Variants in DNAJC17 observed in about 807,000 individuals in gnomAD.
The protein encoded by DNAJC17 is dnaJ homolog subfamily C member 17.
Under a neutral mutation model 48.1 loss-of-function variants are expected in DNAJC17, and 35 were observed. That is an observed-to-expected ratio of 0.73 (90% confidence interval 0.56 to 0.96). The LOEUF (loss-of-function observed/expected upper bound fraction) is 0.96, where lower values mean the gene tolerates loss of function less well. Ranked by LOEUF, DNAJC17 falls within the 50% of genes least tolerant of loss-of-function variation. The pLI is 0.00. For missense variants in DNAJC17, 355 were observed against 377.1 expected, an observed-to-expected ratio of 0.94 and a Z score of 0.48; for synonymous variants, 117 against 142.7, an observed-to-expected ratio of 0.82 and a Z score of 1.28.
At chr15:40,792,633 A>G in intron 1 of DNAJC17, 1 of 441,240 alleles carries the variant, frequency 2.3e-6, no homozygotes, top group Non-Finnish European at 3.0e-6. Flanking sequence ...TGGGCAACAT[A>G]GGGAGACCCC....
At chr15:40,806,656 T>C (rs1596107898) in intron 1 of DNAJC17, among the ~76,000 whole-genome samples, 1 of 152,300 alleles carries the variant, frequency 6.6e-6, no homozygotes, top group East Asian at 1.9e-4. Flanking sequence ...CTTCGTATAT[T>C]GTTAAAACTA....
Position 40,773,851 on chromosome 15 carries a change from C to T in DNAJC17, c.682-14G>A. Reference sequence around the variant, plus strand: ...GACAGCCAGCTCCTGCCAAACACAGCATCTAGTCCTGTCCCATCCGTTGAG... The same window carrying T: ...GACAGCCAGCTCCTGCCAAACACAGTATCTAGTCCTGTCCCATCCGTTGAG... On this transcript the variant is annotated splice_polypyrimidine_tract_variant and intron_variant, in intron 9 of 10. Coordinates refer to ENST00000220496, the MANE Select transcript of DNAJC17 (RefSeq NM_018163.3). 6.2e-7 allele frequency: 1 copy of T among 1,609,492 alleles called. No homozygotes were observed. Among genetic ancestry groups the T allele is most frequent in the Non-Finnish European group, 8.5e-7 (1 of 1,176,794 alleles).
At position 40,765,902 on chromosome 15, in the gene DNAJC17, A is replaced by G; in HGVS notation, c.*2038T>C. ...GCAGCATCTGGGGGCTTCAAAGAGA[A>G]GAGCCTTGGGAAACAACTTGTAAGT... On this transcript the variant is annotated 3_prime_UTR_variant, in exon 11 of 11. Transcript: ENST00000220496. 6.3e-7 allele frequency: 1 copy of G among 1,575,318 alleles called. No homozygotes were observed. Among genetic ancestry groups the G allele is most frequent in the Admixed American group, 1.7e-5 (1 of 57,746 alleles).
At chr15:40,788,663 T>C (rs1484591573) in intron 1 of DNAJC17, among the ~76,000 whole-genome samples, 3 of 143,730 alleles carry the variant, frequency 2.1e-5, no homozygotes, top group Non-Finnish European at 3.0e-5. Context: ...GCCACTGCAC[T>C]CCAGCCTGGG....
In DNAJC17 at chr15:40,774,157, G is replaced by C. The variant is rs113226309; in HGVS notation, c.681+199C>G. 429 of 645,750 alleles carry C rather than the reference G, an allele frequency of 6.6e-4. 1 individual carries two copies. The African/African-American group carries it at 7.0e-3, about 11-fold the overall frequency. The allele number at this position is 645,750 out of a possible 1,614,324, so 40.0% of individuals were successfully genotyped here. On this transcript the variant is annotated intron_variant, in intron 9 of 10. Transcript: ENST00000220496. ...AAGTCTGTGCTCTCCTTTCTCCCCA[G>C]AGCACCCCCCATCCATCCCTTCACA...
chr15:40,795,235 G>A (rs1889916419), intron 1 of DNAJC17, among the ~76,000 whole-genome samples: 1 of 144,096 alleles, frequency 6.9e-6, no homozygotes, highest in Non-Finnish European at 1.5e-5. Context: ...GGCGGGAGAG[G>A]GAGATGGTGT....
At chr15:40,768,738 C>T (rs938553871) in intron 10 of DNAJC17, among the ~76,000 whole-genome samples, 5 of 152,232 alleles carry the variant, frequency 3.3e-5, no homozygotes, top group African/African-American at 7.2e-5. Context: ...AGCTCTACAG[C>T]GGGACCTAAG....
chr15:40,803,191 TCACC>T (rs1233182711), intron 1 of DNAJC17, among the ~76,000 whole-genome samples: 1 of 151,996 alleles, frequency 6.6e-6, no homozygotes, highest in African/African-American at 2.4e-5. Context: ...AGAGGTTCCT[TCACC>T]CAGTTCCTGG....
At chr15:40,783,337 G>A (rs1034929815) in intron 1 of DNAJC17, among the ~76,000 whole-genome samples, 4 of 152,156 alleles carry the variant, frequency 2.6e-5, no homozygotes, top group African/African-American at 9.7e-5. Flanking sequence ...ACAGGAGTCT[G>A]TTGGGTGTTT....
In DNAJC17 at chr15:40,779,972, G is replaced by A. The variant is rs1433373181; in HGVS notation, c.104C>T (p.Ala35Val). 7 of 1,613,986 alleles carry A rather than the reference G, an allele frequency of 4.3e-6. No homozygotes were observed. In the African/African-American group the frequency reaches 5.3e-5, roughly 12 times the overall value. Residue 35 changes from alanine to valine, a missense_variant, in exon 2 of 11, where the codon GCC (alanine) becomes GTC (valine). Ala to Val is a moderately conservative substitution (Grantham distance 64). Coordinates refer to ENST00000220496, the MANE Select transcript of DNAJC17 (RefSeq NM_018163.3). The stretch of plus-strand genomic sequence containing the variant: ...ATTTTTGTCTGGGTGGCAGGAGAGG[G>A]CCTTCTGCCTATACGCCTTCTTTAC... ...KEVKKAYRQKALSCHPDKNPD... is the reference protein window; with the variant it reads ...KEVKKAYRQKVLSCHPDKNPD...
intron 5 of DNAJC17, 106 bp from the exon 6 acceptor site, chr15:40,776,398 C>A (rs1430563906): frequency 2.7e-6 from 4 of 1,469,948 alleles, no homozygotes; most frequent in Non-Finnish European, 3.8e-6. Flanking sequence ...TAGGGCTCAG[C>A]AACCTGTGGG....
At chr15:40,774,775 G>A (rs1387276296) in intron 8 of DNAJC17, among the ~76,000 whole-genome samples, 1 of 152,258 alleles carries the variant, frequency 6.6e-6, no homozygotes, top group Non-Finnish European at 1.5e-5. Flanking sequence ...ACTCAACCAA[G>A]CTCTTTGCTT....
intron 1 of DNAJC17, among the ~76,000 whole-genome samples, chr15:40,790,036 C>T (rs1227963162): frequency 2.0e-5 from 3 of 151,670 alleles, no homozygotes; most frequent in African/African-American, 7.3e-5. Flanking sequence ...ATTTTGAATG[C>T]CACTAACTTC....
At chr15:40,781,153 G>GAA (rs11337976) in intron 1 of DNAJC17, among the ~76,000 whole-genome samples, 24 of 88,938 alleles carry the variant, frequency 2.7e-4, no homozygotes, top group South Asian at 3.8e-4. Context: ...CTCCATCTCA[G>GAA]AAAAAAAAAA....
chr15:40,803,536 G>C (rs1261673342), intron 1 of DNAJC17, among the ~76,000 whole-genome samples: 1 of 152,186 alleles, frequency 6.6e-6, no homozygotes, highest in Non-Finnish European at 1.5e-5. Flanking sequence ...CTCCAAAATA[G>C]ACTGTATGTA....
intron 1 of DNAJC17, among the ~76,000 whole-genome samples, chr15:40,798,409 G>A (rs1243757361): frequency 1.3e-5 from 2 of 152,204 alleles, no homozygotes; most frequent in African/African-American, 4.8e-5. Flanking sequence ...TGGAAAAGTT[G>A]TAGAGATGGA....
intron 1 of DNAJC17, among the ~76,000 whole-genome samples, chr15:40,798,075 C>G (rs1889983957): frequency 6.6e-6 from 1 of 152,150 alleles, no homozygotes; most frequent in South Asian, 2.1e-4. Flanking sequence ...TAGTCAAAAG[C>G]TGGAAACAAC....
chr15:40,767,436 C>G lies in DNAJC17; in HGVS notation c.*504G>C. On this transcript the variant is annotated 3_prime_UTR_variant, in exon 11 of 11. Transcript: ENST00000220496. ...TCCAAGCTCCTGCCTCACCGTCTGCCTTGCTCCTCTCTTCCCAAATCATCA... is the reference window on the plus strand; with the variant it reads ...TCCAAGCTCCTGCCTCACCGTCTGCGTTGCTCCTCTCTTCCCAAATCATCA... 1 of 1,408,206 alleles carries G rather than the reference C, an allele frequency of 7.1e-7. No homozygotes were observed. Among genetic ancestry groups the G allele is most frequent in the Non-Finnish European group, 9.5e-7 (1 of 1,050,250 alleles). 87.2% of individuals were successfully genotyped at this position (1,408,206 alleles called of 1,614,324 possible).
rs1325332012 is a variant in DNAJC17, at chr15:40,774,445, A to G, written c.601-9T>C. 3 of 1,613,762 alleles carry G rather than the reference A, an allele frequency of 1.9e-6. No homozygotes were observed. The South Asian group carries it at 3.3e-5, about 18-fold the overall frequency. On this transcript the variant is annotated splice_polypyrimidine_tract_variant and intron_variant, in intron 8 of 10. Coordinates refer to ENST00000220496, the MANE Select transcript of DNAJC17 (RefSeq NM_018163.3). The stretch of plus-strand genomic sequence containing the variant: ...TTGAGAACCTCACCATACTGTGGGG[A>G]CAAAGGGGTCCTAATAAGCATGACT...
Sources: gnomAD v4.1 joint callset for allele counts (sites outside exome capture counted in the v4.1 genomes callset) on GRCh38, gnomAD v4.1.1 for gene constraint, MANE v1.5 for transcripts, NCBI Gene and HGNC (gene_info 2026-07-23, HGNC 2026-07-21) for gene names.